POU2AF1: variants seen among roughly 807,000 people sequenced by gnomAD.
POU2AF1 encodes POU domain class 2-associating factor 1.
A neutral mutation model predicts 26.3 loss-of-function variants in POU2AF1; 12 were observed. The ratio of observed to expected loss-of-function variants is 0.46; its 90% confidence interval spans 0.29 to 0.74. The LOEUF is 0.74. Among genes scored for constraint, POU2AF1 ranks in the 30% least tolerant of loss-of-function variants. The pLI is 0.09. For missense variants in POU2AF1, 297 were observed against 334.5 expected, an observed-to-expected ratio of 0.89 and a Z score of 0.87; for synonymous variants, 175 against 148.0, an observed-to-expected ratio of 1.18 and a Z score of -1.32.
In POU2AF1 at chr11:111,372,046, A is replaced by G. The variant is rs1308604605; in HGVS notation, c.16+7116T>C. Among the ~76,000 whole-genome samples, 58 of 136,586 alleles carry G rather than the reference A, an allele frequency of 4.2e-4. 3 individuals carry two copies. The Admixed American group carries it at 4.3e-3, about 10-fold the overall frequency. 89.6% of individuals were successfully genotyped at this position (136,586 alleles called of 152,430 possible). ...CACACAAATACACACACACACACAC[A>G]CACACACACACACACACACACACAG... On this transcript the variant is annotated intron_variant, in intron 1 of 4. Coordinates refer to ENST00000393067, the MANE Select transcript of POU2AF1 (RefSeq NM_006235.3).
chr11:111,375,726 T>C (rs1861299209), intron 1 of POU2AF1, among the ~76,000 whole-genome samples: 1 of 152,166 alleles, frequency 6.6e-6, no homozygotes. Context: ...AGGAAATGAA[T>C]GCCTGAAGAA....
At chr11:111,363,879 C>T (rs1861056601) in intron 1 of POU2AF1, 1 of 985,170 alleles carries the variant, frequency 1.0e-6, no homozygotes, top group African/African-American at 1.7e-5. Context: ...CGTAGGTATC[C>T]AAGAGTCCAT....
intron 1 of POU2AF1, among the ~76,000 whole-genome samples, chr11:111,378,708 A>T (rs2135145536): frequency 6.6e-6 from 1 of 152,220 alleles, no homozygotes; most frequent in East Asian, 1.9e-4. Context: ...AAGCTAAGTC[A>T]CTCAGCTAGA....
intron 1 of POU2AF1, among the ~76,000 whole-genome samples, chr11:111,367,404 G>A (rs1011593465): frequency 2.0e-5 from 3 of 152,136 alleles, no homozygotes; most frequent in Non-Finnish European, 4.4e-5. Context: ...TAGAGGCTCA[G>A]TACAACGTAT....
intron 1 of POU2AF1, among the ~76,000 whole-genome samples, chr11:111,361,264 G>A (rs922632114): frequency 6.6e-6 from 1 of 152,196 alleles, no homozygotes; most frequent in East Asian, 1.9e-4. Context: ...TGAAATTCAG[G>A]CTGCTATAGG....
Position 111,358,891 on chromosome 11 carries a change from G to T in POU2AF1, c.44C>A (p.Pro15Gln), listed in dbSNP as rs545540654. 2 of 1,607,026 alleles carry T rather than the reference G, an allele frequency of 1.2e-6. No homozygotes were observed. The highest frequency in any genetic ancestry group is 3.3e-5 in the Admixed American group (2 of 59,996). The change falls in exon 2 of 5, where the codon CCG becomes CAG. Residue 15 changes from proline (P) to glutamine (Q), a missense_variant. Coordinates refer to ENST00000393067, the MANE Select transcript of POU2AF1 (RefSeq NM_006235.3). Reference protein sequence around the residue: ...KPTAPEQAPAPARPYQGVRVK... With the variant: ...KPTAPEQAPAQARPYQGVRVK... ...ACGGACGCCCTGGTATGGCCGGGCC[G>T]GGGCTGGGGCTTGCTCCGGAGCTGT...
At chr11:111,378,641 C>A (rs1565369621) in intron 1 of POU2AF1, among the ~76,000 whole-genome samples, 1 of 151,694 alleles carries the variant, frequency 6.6e-6, no homozygotes, top group Admixed American at 6.6e-5. Flanking sequence ...CACGCTTCAC[C>A]GAGCCAGATC....
chr11:111,358,460 TCA>T (rs1382066626), intron 2 of POU2AF1, among the ~76,000 whole-genome samples: 7 of 132,680 alleles, frequency 5.3e-5, no homozygotes, highest in East Asian at 2.2e-4. Flanking sequence ...ACACACTCTC[TCA>T]CACACATACA....
chr11:111,354,352 G>A lies in POU2AF1; in HGVS notation c.680C>T (p.Ala227Val). The A allele has an allele frequency of 6.2e-7, 1 of 1,614,220 alleles. No homozygotes were observed. Among genetic ancestry groups the A allele is most frequent in the Non-Finnish European group, 8.5e-7 (1 of 1,180,040 alleles). ...CAGCTTGTCGATGGTCAACGAGCTG[G>A]CGGCTCTTCTGGGGTCTTCCATGTC... ...LQDMEDPRRA[A>V]SSLTIDKLLL... Residue 227 changes from alanine (A) to valine (V), a missense_variant, in exon 5 of 5, where the codon GCC becomes GTC. Ala to Val is a moderately conservative substitution (Grantham distance 64). Coordinates refer to ENST00000393067, the MANE Select transcript of POU2AF1 (RefSeq NM_006235.3).
At chr11:111,376,685 A>T (rs1156699330) in intron 1 of POU2AF1, among the ~76,000 whole-genome samples, 1 of 152,080 alleles carries the variant, frequency 6.6e-6, no homozygotes, top group African/African-American at 2.4e-5. Context: ...ATTTCAGCTC[A>T]TGCCTCGAGG....
At chr11:111,367,160 T>A (rs1196710734) in intron 1 of POU2AF1, among the ~76,000 whole-genome samples, 2 of 152,034 alleles carry the variant, frequency 1.3e-5, no homozygotes, top group African/African-American at 4.8e-5. Flanking sequence ...TCCCCGGCAC[T>A]CTCCGCACCT....
In POU2AF1 at chr11:111,375,185, T is replaced by C. The variant is rs770969606; in HGVS notation, c.16+3977A>G. On this transcript the variant is annotated intron_variant, in intron 1 of 4. Transcript: ENST00000393067. ...CATTAGCATGTAGATTGTTCCCTAA[T>C]ACAAACAACAACAATAAAAAGCAAC... is the stretch of plus-strand genomic sequence containing the variant. Among the ~76,000 whole-genome samples, 4 of 152,268 alleles carry C rather than the reference T, an allele frequency of 2.6e-5. No homozygotes were observed. In the East Asian group the frequency reaches 5.8e-4, roughly 22 times the overall value.
chr11:111,356,230 C>T (rs1274453093), intron 4 of POU2AF1, among the ~76,000 whole-genome samples: 1 of 152,178 alleles, frequency 6.6e-6, no homozygotes, highest in Non-Finnish European at 1.5e-5. Flanking sequence ...GAGTCCTCCA[C>T]CCACCACCCT....
chr11:111,352,998 G>T lies in POU2AF1; in HGVS notation c.*1263C>A, dbSNP rs1440662178. On this transcript the variant is annotated 3_prime_UTR_variant, in exon 5 of 5. Coordinates refer to ENST00000393067, the MANE Select transcript of POU2AF1 (RefSeq NM_006235.3). ...GGAAGGAAGGAAGGAAGGAAAGAAGGAAGGAAGGAAGGAAGGAAGGAAGGA... is the reference window on the plus strand; with the variant it reads ...GGAAGGAAGGAAGGAAGGAAAGAAGTAAGGAAGGAAGGAAGGAAGGAAGGA... 1 of 60,476 alleles carries T rather than the reference G, an allele frequency of 1.7e-5. No individual in the cohort carries two copies. The highest frequency in any genetic ancestry group is 7.8e-5 in the African/African-American group (1 of 12,744). The allele number at this position is 60,476 out of a possible 1,614,324, so 3.7% of individuals were successfully genotyped here.
chr11:111,354,252 G>T lies in POU2AF1; in HGVS notation c.*9C>A, dbSNP rs1205466083. 1 of 1,613,760 alleles carries T rather than the reference G, an allele frequency of 6.2e-7. No homozygotes were observed. Among genetic ancestry groups the T allele is most frequent in the South Asian group, 1.1e-5 (1 of 90,972 alleles). ...GTTTCAGGGAACAGGACTCAGGTGG[G>T]AGCCACGCCTAAAAGCCTTCCACAG... On this transcript the variant is annotated 3_prime_UTR_variant, in exon 5 of 5. Coordinates refer to ENST00000393067, the MANE Select transcript of POU2AF1 (RefSeq NM_006235.3).
At chr11:111,357,365 T>G in intron 4 of POU2AF1, 80 bp downstream of exon 4, 2 of 1,569,518 alleles carry the variant, frequency 1.3e-6, no homozygotes, top group Non-Finnish European at 1.8e-6. Context: ...GCAAGGAAGA[T>G]CAGGATCGAG....
At chr11:111,354,735 G>A (rs909601154) in intron 4 of POU2AF1, among the ~76,000 whole-genome samples, 160 bp from the exon 5 acceptor site, 2 of 152,144 alleles carry the variant, frequency 1.3e-5, no homozygotes, top group Admixed American at 6.5e-5. Flanking sequence ...TCTTCCCCAA[G>A]GGAGGAGCCA....
intron 1 of POU2AF1, among the ~76,000 whole-genome samples, chr11:111,366,892 G>C (rs1392394960): frequency 6.6e-6 from 1 of 152,176 alleles, no homozygotes; most frequent in Non-Finnish European, 1.5e-5. Flanking sequence ...CCCCAGGGCA[G>C]TCACAGGGAT....
At chr11:111,361,182 C>A (rs922473149) in intron 1 of POU2AF1, among the ~76,000 whole-genome samples, 4 of 143,342 alleles carry the variant, frequency 2.8e-5, no homozygotes. Flanking sequence ...AGCCCCCGCC[C>A]ACGTGGATCT....
Sources: gnomAD v4.1 joint callset for allele counts (sites outside exome capture counted in the v4.1 genomes callset) on GRCh38, gnomAD v4.1.1 for gene constraint, MANE v1.5 for transcripts, NCBI Gene and HGNC (gene_info 2026-07-23, HGNC 2026-07-21) for gene names.